Variants in TRPM3 observed in about 807,000 individuals in gnomAD.
TRPM3 encodes the protein transient receptor potential cation channel subfamily M member 3, also known as long transient receptor potential channel 3.
TRPM3 carries 77 observed loss-of-function variants against 181.2 expected under a neutral mutation model. That is an observed-to-expected ratio of 0.42 (90% CI 0.35 to 0.51). The LOEUF is 0.51. Among genes scored for constraint, TRPM3 ranks in the 20% least tolerant of loss-of-function variants. The pLI, the probability that TRPM3 is intolerant of heterozygous loss-of-function variation, is 0.01. For synonymous variants in TRPM3, 745 were observed against 796.4 expected (o/e 0.94, Z 1.09); for missense variants, 1,759 against 2,196.7 (o/e 0.80, Z 3.98).
intron 18 of TRPM3, 145 bp from the exon 19 acceptor site, chr9:70,610,894 GA>G: frequency 1.1e-6 from 1 of 897,742 alleles, no homozygotes; most frequent in Non-Finnish European, 1.7e-6. Flanking sequence ...CCTTCCCTAA[GA>G]GTGCATTTGC....
At chr9:71,171,035 C>G (rs950764602) in intron 1 of TRPM3, among the ~76,000 whole-genome samples, 1 of 152,142 alleles carries the variant, frequency 6.6e-6, no homozygotes, top group Admixed American at 6.6e-5. Context: ...AAACAGCCCC[C>G]CCCAGGTGCT....
intron 1 of TRPM3, among the ~76,000 whole-genome samples, chr9:71,234,986 A>T (rs2081277445): frequency 6.6e-6 from 1 of 152,234 alleles, no homozygotes; most frequent in South Asian, 2.1e-4. Flanking sequence ...GAAGGTAAGT[A>T]CTAACGTCAA....
At chr9:71,252,144 C>T (rs768566314) in intron 1 of TRPM3, among the ~76,000 whole-genome samples, 9 of 152,058 alleles carry the variant, frequency 5.9e-5, no homozygotes, top group African/African-American at 9.7e-5. Flanking sequence ...CTGCAATAAA[C>T]ATGGGAGTGC....
chr9:70,569,702 C>A (rs188044586), intron 22 of TRPM3, among the ~76,000 whole-genome samples: 1 of 152,120 alleles, frequency 6.6e-6, no homozygotes, highest in Non-Finnish European at 1.5e-5. Context: ...TTCACAATCA[C>A]GTTTATGGCT....
chr9:70,531,073 A>G lies in TRPM3; in HGVS notation c.*4880T>C, dbSNP rs547456487. 6.6e-6 allele frequency: 1 copy of G among 152,158 alleles called. No homozygotes were observed. Among genetic ancestry groups the G allele is most frequent in the Non-Finnish European group, 1.5e-5 (1 of 68,042 alleles). The allele number at this position is 152,158 out of a possible 1,614,324, so 9.4% of individuals were successfully genotyped here. ...ATCACACATTCACAGCGATCTGCGC[A>G]CTTCTGCACTATCACAAATGGACTT... On this transcript the variant is annotated 3_prime_UTR_variant, in exon 26 of 26. Coordinates refer to ENST00000677713, the MANE Select transcript of TRPM3 (RefSeq NM_001366145.2).
chr9:70,991,510 G>A (rs1209244726), intron 1 of TRPM3, among the ~76,000 whole-genome samples: 1 of 149,620 alleles, frequency 6.7e-6, no homozygotes, highest in African/African-American at 2.5e-5. Flanking sequence ...GAACTTGATA[G>A]CTGGATTTCC....
chr9:70,544,355 A>C (rs1403491022), intron 25 of TRPM3, among the ~76,000 whole-genome samples: 1 of 152,144 alleles, frequency 6.6e-6, no homozygotes, highest in Admixed American at 6.5e-5. Context: ...ACTGCATGAG[A>C]TCATTATTAA....
chr9:70,893,657 CTG>C (rs2096243496), intron 1 of TRPM3, among the ~76,000 whole-genome samples: 1 of 151,544 alleles, frequency 6.6e-6, no homozygotes, highest in African/African-American at 2.4e-5. Flanking sequence ...AAAGGGAAAA[CTG>C]TAATTATGGA....
At chr9:71,179,986 ACCAATAGAACAT>A (rs977433910) in intron 1 of TRPM3, among the ~76,000 whole-genome samples, 1 of 151,572 alleles carries the variant, frequency 6.6e-6, no homozygotes, top group African/African-American at 2.4e-5. Flanking sequence ...GAAACCATCT[ACCAATAGAACAT>A]GATTGGTTTT....
chr9:70,818,242 G>A (rs1046367360), intron 6 of TRPM3, among the ~76,000 whole-genome samples: 3 of 152,174 alleles, frequency 2.0e-5, no homozygotes, highest in African/African-American at 7.2e-5. Context: ...TGAAAAGCAT[G>A]ATTCATGAAT....
chr9:70,578,104 T>G (rs1311119462), intron 22 of TRPM3, among the ~76,000 whole-genome samples: 1 of 152,180 alleles, frequency 6.6e-6, no homozygotes, highest in Middle Eastern at 3.2e-3. Flanking sequence ...TGTTTAAAAC[T>G]GTTTTCAATT....
intron 1 of TRPM3, among the ~76,000 whole-genome samples, chr9:71,068,596 G>T (rs1241126090): frequency 6.6e-6 from 1 of 152,114 alleles, no homozygotes; most frequent in African/African-American, 2.4e-5. Context: ...AGATCATCTG[G>T]GTGTATGCTC....
chr9:71,172,509 C>A (rs1261617891), intron 1 of TRPM3, among the ~76,000 whole-genome samples: 3 of 152,090 alleles, frequency 2.0e-5, no homozygotes, highest in African/African-American at 7.2e-5. Flanking sequence ...TGGGCTCAAG[C>A]AATCCTCCCA....
chr9:70,700,069 G>A (rs2071918158), intron 8 of TRPM3, among the ~76,000 whole-genome samples: 1 of 152,070 alleles, frequency 6.6e-6, no homozygotes, highest in Non-Finnish European at 1.5e-5. Flanking sequence ...TGCAGTCTCC[G>A]CCTCCCGGGT....
chr9:71,138,874 G>A (rs985479218), intron 1 of TRPM3, among the ~76,000 whole-genome samples: 3 of 151,934 alleles, frequency 2.0e-5, no homozygotes, highest in Non-Finnish European at 4.4e-5. Flanking sequence ...ATTTTTTTAA[G>A]GTGACTATTT....
At chr9:70,906,768 TGGCAGG>T (rs1725915499) in intron 1 of TRPM3, among the ~76,000 whole-genome samples, 1 of 152,056 alleles carries the variant, frequency 6.6e-6, no homozygotes, top group African/African-American at 2.4e-5. Flanking sequence ...CTGGGCGCGG[TGGCAGG>T]CACCTATAAT....
At chr9:70,637,347 G>T (rs1053643618) in intron 11 of TRPM3, among the ~76,000 whole-genome samples, 13 of 152,068 alleles carry the variant, frequency 8.5e-5, no homozygotes, top group Non-Finnish European at 2.9e-5. Flanking sequence ...TTATTACTGA[G>T]GCTATTTACT....
At chr9:71,239,931 T>C (rs1249969115) in intron 1 of TRPM3, among the ~76,000 whole-genome samples, 1 of 147,314 alleles carries the variant, frequency 6.8e-6, no homozygotes, top group Non-Finnish European at 1.5e-5. Flanking sequence ...AGACTGCCTA[T>C]TTAGGTCTTT....
In TRPM3 at chr9:70,544,917, A is replaced by G. The variant is rs180870795; in HGVS notation, c.3707+4625T>C. ...GAACCAAAGATGTTATTTGGTTGCT[A>G]AGACTAGTAATATAATCTTATAGCA... is the stretch of plus-strand genomic sequence containing the variant. On this transcript the variant is annotated intron_variant, in intron 25 of 25. Coordinates refer to ENST00000677713, the MANE Select transcript of TRPM3 (RefSeq NM_001366145.2). 2.5e-3 allele frequency among the ~76,000 whole-genome samples: 377 copies of G among 152,282 alleles called. 3 individuals carry two copies. The highest frequency in any genetic ancestry group is 8.5e-3 in the African/African-American group (354 of 41,562).
Sources: gnomAD v4.1 joint callset for allele counts (sites outside exome capture counted in the v4.1 genomes callset) on GRCh38, gnomAD v4.1.1 for gene constraint, MANE v1.5 for transcripts, NCBI Gene and HGNC (gene_info 2026-07-23, HGNC 2026-07-21) for gene names.